The following ARHGAP23 variants were observed in gnomAD, a reference collection of about 807,000 sequenced individuals.
ARHGAP23 encodes Rho GTPase activating protein 23, also known as rho GTPase-activating protein 23.
In ARHGAP23, 34 loss-of-function variants were observed where a neutral mutation model predicts 136.3. The observed-to-expected ratio is 0.25, with a 90% CI of 0.19 to 0.33. ARHGAP23 has a LOEUF of 0.33. ARHGAP23 is among the 10% of genes least tolerant of loss of function. The pLI, the probability that ARHGAP23 is intolerant of heterozygous loss-of-function variation, is 1.00. For missense variants in ARHGAP23, 1,808 were observed against 2,139.0 expected, an observed-to-expected ratio of 0.85 and a Z score of 3.05; for synonymous variants, 832 against 920.5, an observed-to-expected ratio of 0.90 and a Z score of 1.74.
chr17:38,428,623 C>T (rs1302089529), intron 1 of ARHGAP23, 75 bp downstream of exon 1: 12 of 1,039,230 alleles, frequency 1.2e-5, no homozygotes, highest in African/African-American at 1.7e-5. Context: ...AGGGTCGCTG[C>T]GACCCCGCTC....
chr17:38,487,255 G>T (rs2040180617), intron 17 of ARHGAP23, among the ~76,000 whole-genome samples: 1 of 152,182 alleles, frequency 6.6e-6, no homozygotes, highest in East Asian at 1.9e-4. Flanking sequence ...TTTTAAATCA[G>T]CCACATAGAA....
intron 1 of ARHGAP23, among the ~76,000 whole-genome samples, chr17:38,421,174 A>G (rs964089968): frequency 2.6e-5 from 4 of 152,222 alleles, no homozygotes; most frequent in African/African-American, 9.7e-5. Flanking sequence ...GAGTCAGGAC[A>G]TTGGGCTTCT....
chr17:38,510,869 C>G lies in ARHGAP23; in HGVS notation c.4373C>G (p.Pro1458Arg). The G allele has an allele frequency of 2.0e-6, 3 of 1,499,236 alleles. No individual in the cohort carries two copies. The highest frequency in any genetic ancestry group is 1.8e-6 in the Non-Finnish European group (2 of 1,131,698). 92.9% of individuals were successfully genotyped at this position (1,499,236 alleles called of 1,614,324 possible). The part of the protein sequence containing the change: ...SSLESTKARA[P>R]SSAASQPPAP... The stretch of plus-strand genomic sequence containing the variant: ...CTGGAGTCCACCAAGGCGCGGGCCC[C>G]GTCGTCCGCTGCCTCGCAGCCGCCC... The change falls in exon 24 of 24, where the codon CCG (proline) becomes CGG (arginine). Residue 1458 changes from proline (P) to arginine (R), a missense_variant. Around this residue, in one of 7 missense-constraint regions of ARHGAP23, gnomAD observed 506 missense variants for 455.8 expected, o/e 1.11. Coordinates refer to ENST00000622683, the MANE Select transcript of ARHGAP23 (RefSeq NM_001199417.2). The surrounding 1 kb of genome is among the most constrained non-coding windows in gnomAD (Gnocchi z 4.6).
In ARHGAP23 at chr17:38,466,499, G is replaced by T; in HGVS notation, c.816G>T (p.Glu272Asp). The change falls in exon 7 of 24, where the codon GAG becomes GAT. Residue 272 changes from glutamate to aspartate, a missense_variant. By Grantham distance (45) the Glu-to-Asp change is conservative. Around this residue, in one of 7 missense-constraint regions of ARHGAP23, gnomAD observed 859 missense variants for 936.4 expected, o/e 0.92. Transcript: ENST00000622683. The stretch of plus-strand genomic sequence containing the variant: ...CCCGGACGCCCCGTGCCTTCCCAGA[G>T]CCTGGCAGCCGGGTGCCCCCCAGCA... ...SEPRTPRAFPEPGSRVPPSRL... is the reference protein window; with the variant it reads ...SEPRTPRAFPDPGSRVPPSRL... The T allele has an allele frequency of 6.7e-7, 1 of 1,495,624 alleles. No homozygotes were observed. Among genetic ancestry groups the T allele is most frequent in the Non-Finnish European group, 8.9e-7 (1 of 1,125,012 alleles). The allele number at this position is 1,495,624 out of a possible 1,614,324, so 92.6% of individuals were successfully genotyped here.
chr17:38,466,755 G>A lies in ARHGAP23; in HGVS notation c.1072G>A (p.Ala358Thr). 5 of 1,548,456 alleles carry A rather than the reference G, an allele frequency of 3.2e-6. No homozygotes were observed. Among genetic ancestry groups the A allele is most frequent in the Non-Finnish European group, 4.4e-6 (5 of 1,145,970 alleles). ...RARSDDYLSR[A>T]TRSAEALGPG... ...TCGCTCAGATGACTACTTGAGCCGGGCCACCCGTTCTGCCGAGGCACTGGG... is the reference window on the plus strand; with the variant it reads ...TCGCTCAGATGACTACTTGAGCCGGACCACCCGTTCTGCCGAGGCACTGGG... The change falls in exon 7 of 24, where the codon GCC becomes ACC. Residue 358 changes from alanine (A) to threonine (T), a missense_variant. Ala to Thr is a moderately conservative substitution (Grantham distance 58). This residue lies in a region of ARHGAP23 where 859 missense variants were observed against 936.4 expected (regional missense o/e 0.92). Coordinates refer to ENST00000622683, the MANE Select transcript of ARHGAP23 (RefSeq NM_001199417.2).
chr17:38,489,273 A>G (rs1157267212), intron 17 of ARHGAP23, among the ~76,000 whole-genome samples: 1 of 152,082 alleles, frequency 6.6e-6, no homozygotes, highest in East Asian at 1.9e-4. Flanking sequence ...TTATAAAAAT[A>G]TTTTCTTACT....
Position 38,466,400 on chromosome 17 carries a change from C to T in ARHGAP23, c.717C>T (p.His239=). ...GTGTGCCACCTGCTGCCCGTGCCCA[C>T]CTGGACAACTCTTCCTTGGGGATGA... ...GLRVPPAARA[H]LDNSSLGMSQ... is the part of the protein sequence containing the mutation. The change falls in exon 7 of 24, where the codon CAC becomes CAT. Residue 239 remains histidine (H), a synonymous_variant. Coordinates refer to ENST00000622683, the MANE Select transcript of ARHGAP23 (RefSeq NM_001199417.2). 1 of 1,534,260 alleles carries T rather than the reference C, an allele frequency of 6.5e-7. No individual in the cohort carries two copies. Among genetic ancestry groups the T allele is most frequent in the Non-Finnish European group, 8.8e-7 (1 of 1,142,474 alleles).
intron 10 of ARHGAP23, among the ~76,000 whole-genome samples, chr17:38,470,768 G>A (rs1361638203): frequency 1.3e-5 from 2 of 151,532 alleles, no homozygotes; most frequent in Non-Finnish European, 2.9e-5. Context: ...AACTCCTGAC[G>A]TCAGGTGATC....
At chr17:38,437,803 G>T (rs2038832794) in intron 1 of ARHGAP23, among the ~76,000 whole-genome samples, 1 of 151,376 alleles carries the variant, frequency 6.6e-6, no homozygotes, top group Admixed American at 6.6e-5. Flanking sequence ...GAAGGGGGGG[G>T]AGGGCAGATG....
chr17:38,478,759 A>C (rs1485422647), intron 12 of ARHGAP23, among the ~76,000 whole-genome samples: 1 of 152,086 alleles, frequency 6.6e-6, no homozygotes. Context: ...GCTACACTCC[A>C]GGGGCCTAGG....
upstream of ARHGAP23, among the ~76,000 whole-genome samples, chr17:38,424,607 G>A (rs893227845): frequency 1.3e-5 from 2 of 151,990 alleles, no homozygotes; most frequent in African/African-American, 4.8e-5. Context: ...CACACCCCTG[G>A]TCTCAGGGAC....
At chr17:38,476,512 T>C (rs2039894637) in intron 11 of ARHGAP23, among the ~76,000 whole-genome samples, 1 of 152,018 alleles carries the variant, frequency 6.6e-6, no homozygotes. Flanking sequence ...TTGTGCAAAG[T>C]GCCCATGGGA....
Position 38,510,047 on chromosome 17 carries a change from G to A in ARHGAP23, c.3551G>A (p.Gly1184Glu). The change falls in exon 24 of 24, where the codon GGG becomes GAG. Residue 1184 changes from glycine (G) to glutamate (E), a missense_variant. Transcript: ENST00000622683. The surrounding 1 kb of genome is among the most constrained non-coding windows in gnomAD (Gnocchi z 4.6). ...RKRKKRREARGLGSSTDDDSE... is the reference protein window; with the variant it reads ...RKRKKRREARELGSSTDDDSE... ...CGCAAGAAGCGGCGGGAGGCGCGGG[G>A]GCTGGGCAGCAGCACCGACGACGAC... The A allele has an allele frequency of 8.0e-7, 1 of 1,243,694 alleles. No homozygotes were observed. The highest frequency in any genetic ancestry group is 3.1e-5 in the East Asian group (1 of 31,808). The allele number at this position is 1,243,694 out of a possible 1,614,324, so 77.0% of individuals were successfully genotyped here. A position where few individuals can be genotyped will look rare whatever the true frequency, so the allele number is the denominator to read the frequency against.
In ARHGAP23 at chr17:38,477,557, C is replaced by G; in HGVS notation, c.2119-22C>G. On this transcript the variant is annotated intron_variant, in intron 11 of 23. Transcript: ENST00000622683. This position sits in a 1 kb window ranked among gnomAD's most constrained non-coding sequence, Gnocchi z 6.6. ...TGGCCTCTCACCATTCCTGTCTCCC[C>G]CAACCCCGTGTCTCCCTGCAGAAAG... The G allele has an allele frequency of 6.3e-6, 8 of 1,261,512 alleles. No homozygotes were observed. The highest frequency in any genetic ancestry group is 8.0e-6 in the Non-Finnish European group (8 of 1,001,886). The allele number at this position is 1,261,512 out of a possible 1,614,324, so 78.1% of individuals were successfully genotyped here.
At chr17:38,501,927 A>G (rs1567829056) in intron 23 of ARHGAP23, among the ~76,000 whole-genome samples, 1 of 151,168 alleles carries the variant, frequency 6.6e-6, no homozygotes, top group African/African-American at 2.4e-5. Flanking sequence ...ATATATTTAA[A>G]TAGTTATTTA....
In ARHGAP23 at chr17:38,466,692, G is replaced by A; in HGVS notation, c.1009G>A (p.Ala337Thr). ...GTGGCCCTGCTCCACCTCCCAGGAT[G>A]CTTTGAGCCAGCTGGGCCAGGAGGG... is the stretch of plus-strand genomic sequence containing the variant. ...RPWPCSTSQD[A>T]LSQLGQEGWH... is the part of the protein sequence containing the mutation. The change falls in exon 7 of 24, where the codon GCT becomes ACT. Residue 337 changes from alanine (A) to threonine (T), a missense_variant. This residue lies in a region of ARHGAP23 where 859 missense variants were observed against 936.4 expected (regional missense o/e 0.92). Coordinates refer to ENST00000622683, the MANE Select transcript of ARHGAP23 (RefSeq NM_001199417.2). The A allele has an allele frequency of 6.5e-7, 1 of 1,527,732 alleles. No individual in the cohort carries two copies. Among genetic ancestry groups the A allele is most frequent in the Non-Finnish European group, 8.8e-7 (1 of 1,137,164 alleles). 94.6% of individuals were successfully genotyped at this position (1,527,732 alleles called of 1,614,324 possible). A position where few individuals can be genotyped will look rare whatever the true frequency, so the allele number is the denominator to read the frequency against.
chr17:38,475,100 G>T (rs977022785), intron 11 of ARHGAP23, among the ~76,000 whole-genome samples: 3 of 152,234 alleles, frequency 2.0e-5, no homozygotes, highest in Non-Finnish European at 2.9e-5. Flanking sequence ...TGGTGCCGTG[G>T]CCTGGACGTT....
chr17:38,503,703 C>G (rs528240308), intron 23 of ARHGAP23, among the ~76,000 whole-genome samples: 1 of 152,354 alleles, frequency 6.6e-6, no homozygotes, highest in African/African-American at 2.4e-5. Flanking sequence ...TTACCGCTTC[C>G]CAGTCTGGGC....
intron 1 of ARHGAP23, among the ~76,000 whole-genome samples, chr17:38,455,998 C>T (rs2039315181): frequency 6.6e-6 from 1 of 152,156 alleles, no homozygotes; most frequent in Admixed American, 6.5e-5. Context: ...CCAGCTTTTA[C>T]GTGGCCCCTG....
Sources: allele counts gnomAD v4.1 joint callset (sites outside exome capture counted in the v4.1 genomes callset), GRCh38; gene constraint gnomAD v4.1.1; regional missense constraint gnomAD v4.1.1; non-coding constraint Gnocchi (gnomAD v3.1); transcripts MANE v1.5; gene names NCBI Gene and HGNC (gene_info 2026-07-23, HGNC 2026-07-21).